The following DHX8 variants were observed in gnomAD, a reference collection of about 807,000 sequenced individuals.
The protein encoded by DHX8 is ATP-dependent RNA helicase DHX8.
Under a neutral mutation model 140.7 loss-of-function variants are expected in DHX8, and 67 were observed. That is an observed-to-expected ratio of 0.48 (90% CI 0.39 to 0.58). DHX8 has a LOEUF of 0.58. Among genes scored for constraint, DHX8 ranks in the 20% least tolerant of loss-of-function variants. The pLI is 0.00. For missense variants in DHX8, 887 were observed against 1,550.7 expected, an observed-to-expected ratio of 0.57 and a Z score of 7.19; for synonymous variants, 533 against 553.2, an observed-to-expected ratio of 0.96 and a Z score of 0.51.
chr17:43,520,286 T>C lies in DHX8; in HGVS notation c.2937+19T>C. 6.2e-7 allele frequency: 1 copy of C among 1,611,250 alleles called. No homozygotes were observed. Among genetic ancestry groups the C allele is most frequent in the African/African-American group, 1.3e-5 (1 of 74,966 alleles). The stretch of plus-strand genomic sequence containing the variant: ...CCGCCGGGTAAGGGACAGACTCAAC[T>C]TCCTGTGCTTTTGGGAAGATTCCCT... On this transcript the variant is annotated intron_variant, in intron 19 of 22. Transcript: ENST00000262415.
intron 16 of DHX8, among the ~76,000 whole-genome samples, chr17:43,512,908 A>T (rs927633617): frequency 6.6e-6 from 1 of 152,144 alleles, no homozygotes; most frequent in African/African-American, 2.4e-5. Context: ...CTTGTTCCAC[A>T]TACATATTCC....
intron 20 of DHX8, among the ~76,000 whole-genome samples, chr17:43,521,162 C>T (rs1265578573): frequency 6.6e-6 from 1 of 151,706 alleles, no homozygotes; most frequent in African/African-American, 2.4e-5. Context: ...AGGGTTGCAC[C>T]ATGTTGGCCA....
At chr17:43,485,550 C>T (rs550067556) in intron 1 of DHX8, among the ~76,000 whole-genome samples, 2 of 152,144 alleles carry the variant, frequency 1.3e-5, no homozygotes, top group Admixed American at 1.3e-4. Flanking sequence ...ATAATTTCGT[C>T]GGTTTTGCTA....
Position 43,541,949 on chromosome 17 carries a change from T to C in DHX8, c.*21-2213T>C, listed in dbSNP as rs547916565. ...TGCCGAGGCACCAGTGTACATGCAC[T>C]CGGACGCATATTCAGGGATGCACAC... On this transcript the variant is annotated intron_variant, in intron 3 of 3. Coordinates refer to the DHX8 transcript ENST00000589898. Among the ~76,000 whole-genome samples, 73 of 152,288 alleles carry C rather than the reference T, an allele frequency of 4.8e-4. No homozygotes were observed. The South Asian group carries it at 0.01, about 22-fold the overall frequency.
At chr17:43,509,403 G>A (rs1969680850) in intron 16 of DHX8, among the ~76,000 whole-genome samples, 1 of 152,084 alleles carries the variant, frequency 6.6e-6, no homozygotes, top group African/African-American at 2.4e-5. Flanking sequence ...GGAGACAGAT[G>A]GATGTAGGTA....
rs1479429699 is a variant in DHX8, at chr17:43,484,055, C to T, written c.18C>T (p.Ala6=). 5 of 1,614,120 alleles carry T rather than the reference C, an allele frequency of 3.1e-6. No homozygotes were observed. The East Asian group carries it at 6.7e-5, about 22-fold the overall frequency. The change falls in exon 1 of 23, where the codon GCC becomes GCT. Residue 6 remains alanine (A), a synonymous_variant. Transcript: ENST00000262415. MAVAV[A]MAGALIGSEP... ...CTATAGCCATGGCTGTGGCTGTAGC[C>T]ATGGCGGGAGCCTTAATCGGGTCGG...
chr17:43,491,547 T>A (rs1968517393), intron 4 of DHX8, among the ~76,000 whole-genome samples: 1 of 152,130 alleles, frequency 6.6e-6, no homozygotes, highest in South Asian at 2.1e-4. Flanking sequence ...TTTGCTCTGT[T>A]ACTTGTTAAA....
chr17:43,502,276 G>A (rs993555186), intron 11 of DHX8, among the ~76,000 whole-genome samples: 16 of 152,164 alleles, frequency 1.1e-4, no homozygotes, highest in Admixed American at 2.0e-4. Context: ...GATTAGGTTC[G>A]GCATGATGGC....
chr17:43,540,113 C>A (rs1308807208), intron 3 of DHX8, among the ~76,000 whole-genome samples: 1 of 152,128 alleles, frequency 6.6e-6, no homozygotes, highest in African/African-American at 2.4e-5. Flanking sequence ...AAAAAGACAA[C>A]CATTCCCAAA....
At chr17:43,491,321 AT>A in intron 4 of DHX8, 71 bp downstream of exon 4, 1 of 816,898 alleles carries the variant, frequency 1.2e-6, no homozygotes. Flanking sequence ...TCTCATAGTA[AT>A]TTTATTAATT....
Position 43,507,599 on chromosome 17 carries a change from C to T in DHX8, c.2020C>T (p.Pro674Ser), listed in dbSNP as rs1969566614. 1 of 1,614,042 alleles carries T rather than the reference C, an allele frequency of 6.2e-7. No homozygotes were observed. Among genetic ancestry groups the T allele is most frequent in the Non-Finnish European group, 8.5e-7 (1 of 1,180,010 alleles). Residue 674 changes from proline (P) to serine (S), a missense_variant, in exon 14 of 23, where the codon CCT becomes TCT. Pro to Ser is a moderately conservative substitution (Grantham distance 74, BLOSUM62 -1). This residue lies in a region of DHX8 where 178 missense variants were observed against 398.5 expected (regional missense o/e 0.45). Transcript: ENST00000262415. ...GMLLRECLIDPDLTQYAIIML... is the reference protein window; with the variant it reads ...GMLLRECLIDSDLTQYAIIML... ...GTTGCTTAGAGAGTGCTTGATTGAC[C>T]CTGACCTCACTCAGTACGCGATCAT...
chr17:43,491,401 A>G (rs1968509074), intron 4 of DHX8, 151 bp downstream of exon 4: 1 of 419,092 alleles, frequency 2.4e-6, no homozygotes, highest in Non-Finnish European at 4.3e-6. Context: ...AGCATGTACT[A>G]TGTATTGAAT....
chr17:43,517,086 C>T (rs1970151420), intron 17 of DHX8, 81 bp from the exon 18 acceptor site: 2 of 1,409,182 alleles, frequency 1.4e-6, no homozygotes, highest in South Asian at 1.5e-5. Flanking sequence ...TGTTAATTGT[C>T]CCCCTTTTAA....
At chr17:43,539,175 CA>C (rs1400687645) in intron 3 of DHX8, among the ~76,000 whole-genome samples, 1 of 152,172 alleles carries the variant, frequency 6.6e-6, no homozygotes, top group East Asian at 1.9e-4. Flanking sequence ...CCTTGGCCTC[CA>C]AGGCTCTGCA....
Position 43,510,769 on chromosome 17 carries a change from A to T in DHX8, c.2502+2249A>T, listed in dbSNP as rs545274798. Among the ~76,000 whole-genome samples, 4 of 152,296 alleles carry T rather than the reference A, an allele frequency of 2.6e-5. No individual in the cohort carries two copies. In the South Asian group the frequency reaches 8.3e-4, roughly 32 times the overall value. On this transcript the variant is annotated intron_variant, in intron 16 of 22. Transcript: ENST00000262415. ...AAAAAGAAATGCTGTACCCTTTAGC[A>T]GTCATCTACCCCCATTTACTCCTCT...
intron 1 of DHX8, among the ~76,000 whole-genome samples, 177 bp downstream of exon 1, chr17:43,484,362 C>G (rs936505444): frequency 4.6e-5 from 7 of 152,128 alleles, no homozygotes; most frequent in African/African-American, 1.4e-4. Flanking sequence ...TGAGAGCCCT[C>G]GAGAAACTTT....
chr17:43,499,886 C>T, intron 10 of DHX8, 70 bp from the exon 11 acceptor site: 1 of 1,545,484 alleles, frequency 6.5e-7, no homozygotes, highest in Non-Finnish European at 8.8e-7. Flanking sequence ...TTTTAGATTA[C>T]AGGAGCTTAA....
chr17:43,490,653 ACTTGAGCCCAGGAGTTTTAGAC>A (rs1191097035), intron 3 of DHX8, among the ~76,000 whole-genome samples, 190 bp downstream of exon 3: 30 of 152,246 alleles, frequency 2.0e-4, no homozygotes, highest in African/African-American at 7.2e-4. Context: ...TGGGAGTATC[ACTTGAGCCCAGGAGTTTTAGAC>A]CAGCCTGGGC....
At chr17:43,487,552 C>T (rs1210285908) in intron 1 of DHX8, among the ~76,000 whole-genome samples, 1 of 152,166 alleles carries the variant, frequency 6.6e-6, no homozygotes, top group East Asian at 1.9e-4. Flanking sequence ...TGGTGTTTTG[C>T]CATGTTGCCC....
Sources: allele counts gnomAD v4.1 joint callset (sites outside exome capture counted in the v4.1 genomes callset), GRCh38; gene constraint gnomAD v4.1.1; regional missense constraint gnomAD v4.1.1; transcripts MANE v1.5; gene names NCBI Gene and HGNC (gene_info 2026-07-23, HGNC 2026-07-21).